Variants in UVRAG observed in about 807,000 individuals in gnomAD.
UVRAG encodes UV radiation resistance associated.
In UVRAG, 19 loss-of-function variants were observed where a neutral mutation model predicts 78.0. That is an observed-to-expected ratio of 0.24 (90% CI 0.17 to 0.36). The LOEUF is 0.36. Ranked by LOEUF, UVRAG falls within the 10% of genes least tolerant of loss-of-function variation. The pLI, the probability that UVRAG is intolerant of heterozygous loss-of-function variation, is 1.00. For missense variants in UVRAG, 740 were observed against 853.8 expected (o/e 0.87, Z 1.66); for synonymous variants, 323 against 324.6 (o/e 1.00, Z 0.05).
chr11:75,985,422 T>C lies in UVRAG; in HGVS notation c.826+1909T>C, dbSNP rs150552890. 1.7e-3 allele frequency among the ~76,000 whole-genome samples: 261 copies of C among 152,138 alleles called. 2 individuals carry two copies. The highest frequency in any genetic ancestry group is 6.1e-3 in the African/African-American group (252 of 41,562). On this transcript the variant is annotated intron_variant, in intron 8 of 14. Coordinates refer to ENST00000356136, the MANE Select transcript of UVRAG (RefSeq NM_003369.4). ...AGTTTGGTTTGACTGTCTTTTTGTT[T>C]GTAAGATTTCTTTATATATTATGGA... is the stretch of plus-strand genomic sequence containing the variant.
chr11:76,122,406 A>G (rs967691371), intron 14 of UVRAG, among the ~76,000 whole-genome samples: 10 of 152,176 alleles, frequency 6.6e-5, no homozygotes, highest in Non-Finnish European at 2.9e-5. Flanking sequence ...CTGTGACCTC[A>G]AACAGGTTTA....
chr11:76,057,590 T>C (rs1951006762), intron 12 of UVRAG, among the ~76,000 whole-genome samples: 1 of 152,214 alleles, frequency 6.6e-6, no homozygotes, highest in South Asian at 2.1e-4. Context: ...CAGTCCCCAG[T>C]GTAACCCCCC....
At chr11:76,071,586 C>G (rs371995679) in intron 13 of UVRAG, among the ~76,000 whole-genome samples, 106 of 151,622 alleles carry the variant, frequency 7.0e-4, no homozygotes, top group Non-Finnish European at 1.4e-3. Flanking sequence ...TTTTTTTGGC[C>G]CCACCCACCC....
At chr11:75,985,800 G>T (rs1430169657) in intron 8 of UVRAG, among the ~76,000 whole-genome samples, 1 of 151,904 alleles carries the variant, frequency 6.6e-6, no homozygotes, top group Admixed American at 6.6e-5. Flanking sequence ...TCACCATTGC[G>T]TTGCAGTTTT....
chr11:75,949,714 T>TATATATATACAC (rs59607906), intron 6 of UVRAG, among the ~76,000 whole-genome samples: 1 of 136,870 alleles, frequency 7.3e-6, no homozygotes, highest in African/African-American at 2.9e-5. Context: ...TATATATATA[T>TATATATATACAC]ACACACACAC....
chr11:76,106,447 C>T (rs1215750548), intron 13 of UVRAG, among the ~76,000 whole-genome samples: 1 of 152,048 alleles, frequency 6.6e-6, no homozygotes, highest in African/African-American at 2.4e-5. Flanking sequence ...CTCACTGTAA[C>T]CTCCGCTTCC....
chr11:76,143,578 T>C lies in UVRAG; in HGVS notation c.*2165T>C, dbSNP rs987573599. Among the ~76,000 whole-genome samples the C allele has an allele frequency of 1.3e-5, 2 of 152,244 alleles. No homozygotes were observed. The highest frequency in any genetic ancestry group is 4.8e-5 in the African/African-American group (2 of 41,466). On this transcript the variant is annotated 3_prime_UTR_variant, in exon 15 of 15. Coordinates refer to ENST00000356136, the MANE Select transcript of UVRAG (RefSeq NM_003369.4). The stretch of plus-strand genomic sequence containing the variant: ...ATTTGCCTCGACCCACACAGCCCCG[T>C]GGTGATGCCTCAAAACACCACTTAG...
intron 6 of UVRAG, among the ~76,000 whole-genome samples, chr11:75,929,719 T>G (rs924218595): frequency 3.9e-5 from 6 of 152,186 alleles, no homozygotes; most frequent in Admixed American, 1.3e-4. Flanking sequence ...TAGTTTATCT[T>G]GCTCACGGTA....
intron 6 of UVRAG, among the ~76,000 whole-genome samples, chr11:75,949,413 G>T (rs943726837): frequency 2.0e-5 from 3 of 151,782 alleles, no homozygotes; most frequent in Admixed American, 2.0e-4. Context: ...CTTTCATAGC[G>T]TTCATAACCA....
chr11:76,052,807 C>A (rs535523816), intron 12 of UVRAG, among the ~76,000 whole-genome samples: 2 of 152,148 alleles, frequency 1.3e-5, no homozygotes, highest in East Asian at 3.9e-4. Context: ...TATACCATTT[C>A]TTTAGGCCAT....
At chr11:75,954,938 A>G (rs1948766590) in intron 6 of UVRAG, among the ~76,000 whole-genome samples, 1 of 152,196 alleles carries the variant, frequency 6.6e-6, no homozygotes, top group Admixed American at 6.5e-5. Context: ...TTAGGAGTTT[A>G]TTTATCTGTT....
chr11:75,865,252 A>G (rs1946511919), intron 3 of UVRAG, among the ~76,000 whole-genome samples: 1 of 143,224 alleles, frequency 7.0e-6, no homozygotes, highest in Non-Finnish European at 1.5e-5. Flanking sequence ...GTGCTGTTGC[A>G]CTCCAGCCTG....
At chr11:75,959,077 A>G (rs1003516563) in intron 6 of UVRAG, among the ~76,000 whole-genome samples, 3 of 152,222 alleles carry the variant, frequency 2.0e-5, no homozygotes, top group African/African-American at 7.2e-5. Context: ...CATTTATAGA[A>G]CACAGGCAGA....
At chr11:75,883,005 G>T (rs1334520235) in intron 4 of UVRAG, among the ~76,000 whole-genome samples, 1 of 151,996 alleles carries the variant, frequency 6.6e-6, no homozygotes, top group Non-Finnish European at 1.5e-5. Flanking sequence ...CCAGGTACTT[G>T]TTGCCTTTAG....
intron 13 of UVRAG, among the ~76,000 whole-genome samples, chr11:76,079,309 C>G (rs114660098): frequency 0.015 from 2,270 of 151,984 alleles, 55 homozygotes; most frequent in African/African-American, 0.052. Flanking sequence ...CACAACAAGA[C>G]CTCATCTCTA....
At chr11:75,981,261 A>G (rs1249664265) in intron 7 of UVRAG, among the ~76,000 whole-genome samples, 1 of 151,810 alleles carries the variant, frequency 6.6e-6, no homozygotes, top group Non-Finnish European at 1.5e-5. Context: ...ACAGGTGCCC[A>G]CTACCGTGCC....
At chr11:76,042,759 G>C (rs999687762) in intron 12 of UVRAG, among the ~76,000 whole-genome samples, 1 of 152,170 alleles carries the variant, frequency 6.6e-6, no homozygotes, top group African/African-American at 2.4e-5. Context: ...AAGGGAGTTT[G>C]CCCTTACCTA....
chr11:76,064,984 A>C (rs1048283094), intron 12 of UVRAG, among the ~76,000 whole-genome samples: 2 of 152,228 alleles, frequency 1.3e-5, no homozygotes, highest in African/African-American at 4.8e-5. Context: ...ACTAGACTAT[A>C]GGTATGCTCT....
At chr11:76,067,006 A>C (rs1951201927) in intron 13 of UVRAG, among the ~76,000 whole-genome samples, 1 of 152,070 alleles carries the variant, frequency 6.6e-6, no homozygotes, top group African/African-American at 2.4e-5. Flanking sequence ...ACATTCCCTT[A>C]TTCATTTCTG....
Sources: allele counts gnomAD v4.1 joint callset (sites outside exome capture counted in the v4.1 genomes callset), GRCh38; gene constraint gnomAD v4.1.1; transcripts MANE v1.5; gene names NCBI Gene and HGNC (gene_info 2026-07-23, HGNC 2026-07-21).